SLCO3A1: variants seen among roughly 807,000 people sequenced by gnomAD.
SLCO3A1 encodes solute carrier organic anion transporter family member 3A1, also known as PGE1 transporter.
A neutral mutation model predicts 63.1 loss-of-function variants in SLCO3A1; 27 were observed. The ratio of observed to expected loss-of-function variants is 0.43; its 90% CI spans 0.32 to 0.59. The LOEUF is 0.59. Ranked by LOEUF, SLCO3A1 falls within the 20% of genes least tolerant of loss-of-function variation. The probability of loss-of-function intolerance (pLI) is 0.09; values close to 1 mark genes in which losing one functional copy is unlikely to be tolerated. For missense variants in SLCO3A1, 773 were observed against 945.8 expected, an observed-to-expected ratio of 0.82 and a Z score of 2.40; for synonymous variants, 473 against 409.9, an observed-to-expected ratio of 1.15 and a Z score of -1.86.
intron 2 of SLCO3A1, among the ~76,000 whole-genome samples, chr15:92,094,116 G>T (rs1027667205): frequency 3.3e-5 from 5 of 152,182 alleles, no homozygotes; most frequent in Non-Finnish European, 7.3e-5. Flanking sequence ...TTTGGGATCA[G>T]TACTTTTCCC....
At position 92,047,602 on chromosome 15, in the gene SLCO3A1, T is replaced by TATATATATAAATATATA. The variant is rs2046903227; in HGVS notation, c.647-47269_647-47268insATATATAATATATATAA. The stretch of plus-strand genomic sequence containing the variant: ...TATATAATATATATATAATATATAA[T>TATATATATAAATATATA]ATATATATAATATATAAATATATAT... On this transcript the variant is annotated intron_variant, in intron 2 of 9. Transcript: ENST00000318445. Among the ~76,000 whole-genome samples the TATATATATAAATATATA allele has an allele frequency of 5.4e-5, 2 of 37,090 alleles. 1 individual carries two copies. Among genetic ancestry groups the TATATATATAAATATATA allele is most frequent in the Non-Finnish European group, 1.2e-4 (2 of 17,356 alleles). 24.3% of individuals were successfully genotyped at this position (37,090 alleles called of 152,430 possible). A position where few individuals can be genotyped will look rare whatever the true frequency, so the allele number is the denominator to read the frequency against.
At chr15:92,047,506 T>TATAA (rs2046893886) in intron 2 of SLCO3A1, among the ~76,000 whole-genome samples, 2 of 30,236 alleles carry the variant, frequency 6.6e-5, no homozygotes, top group African/African-American at 2.4e-4. Flanking sequence ...TATATATAAA[T>TATAA]ATATATAAAT....
intron 9 of SLCO3A1, among the ~76,000 whole-genome samples, chr15:92,154,289 TGTG>T (rs2048344614): frequency 6.6e-6 from 1 of 152,214 alleles, no homozygotes; most frequent in Non-Finnish European, 1.5e-5. Flanking sequence ...TCTTGGGTAA[TGTG>T]GTGAACAGGG....
intron 7 of SLCO3A1, among the ~76,000 whole-genome samples, chr15:92,141,444 C>G (rs2048130637): frequency 6.6e-6 from 1 of 152,096 alleles, no homozygotes; most frequent in Non-Finnish European, 1.5e-5. Flanking sequence ...TTGGATTGGC[C>G]AAATAGAACT....
At chr15:92,127,327 A>G (rs1304646415) in intron 6 of SLCO3A1, among the ~76,000 whole-genome samples, 1 of 151,726 alleles carries the variant, frequency 6.6e-6, no homozygotes, top group Non-Finnish European at 1.5e-5. Flanking sequence ...TACTATAATG[A>G]CGTTATTCTT....
chr15:91,976,853 G>A (rs1901132755), intron 2 of SLCO3A1, among the ~76,000 whole-genome samples: 2 of 152,100 alleles, frequency 1.3e-5, no homozygotes, highest in Admixed American at 6.5e-5. Context: ...TACTTTACAA[G>A]GTAATAGAAT....
At chr15:92,081,825 A>G (rs915680124) in intron 2 of SLCO3A1, among the ~76,000 whole-genome samples, 1 of 152,182 alleles carries the variant, frequency 6.6e-6, no homozygotes, top group African/African-American at 2.4e-5. Context: ...CTTCATCACA[A>G]TCTCCAGGAG....
At chr15:92,092,937 T>C (rs2047494385) in intron 2 of SLCO3A1, among the ~76,000 whole-genome samples, 1 of 152,122 alleles carries the variant, frequency 6.6e-6, no homozygotes, top group Admixed American at 6.5e-5. Flanking sequence ...GGCCATGGAG[T>C]GACTATTTGG....
rs1209714903 is a variant in SLCO3A1, at chr15:91,897,781, G to T, written c.181-18212G>T. 6.6e-6 allele frequency among the ~76,000 whole-genome samples: 1 copy of T among 152,160 alleles called. No individual in the cohort carries two copies. Among genetic ancestry groups the T allele is most frequent in the African/African-American group, 2.4e-5 (1 of 41,436 alleles). On this transcript the variant is annotated intron_variant, in intron 1 of 9. Coordinates refer to ENST00000318445, the MANE Select transcript of SLCO3A1 (RefSeq NM_013272.4). The surrounding 1 kb of genome is among the most constrained non-coding windows in gnomAD (Gnocchi z 4.7). The stretch of plus-strand genomic sequence containing the variant: ...CAGCAGTGTGTTAAGGGCAGTGTTG[G>T]AACAGACTGTTCTCTCTATTTTCTG...
At chr15:92,162,527 G>A in intron 9 of SLCO3A1, 1 of 579,958 alleles carries the variant, frequency 1.7e-6, no homozygotes, top group South Asian at 2.6e-5. Flanking sequence ...CCATTTTGCA[G>A]ATGAGGAAAC....
At position 91,970,603 on chromosome 15, in the gene SLCO3A1, G is replaced by A. The variant is rs143276926; in HGVS notation, c.646+54145G>A. On this transcript the variant is annotated intron_variant, in intron 2 of 9. Transcript: ENST00000318445. The stretch of plus-strand genomic sequence containing the variant: ...TCCAGCTCCCAGGGACTCACAAGGA[G>A]CCCTAATGAAACAACATGGTTCTTT... Among the ~76,000 whole-genome samples the A allele has an allele frequency of 6.0e-3, 909 of 152,278 alleles. 11 individuals are homozygous for A. The highest frequency in any genetic ancestry group is 0.017 in the Middle Eastern group (5 of 294).
At position 92,143,467 on chromosome 15, in the gene SLCO3A1, T is replaced by TA. The variant is rs764236651; in HGVS notation, c.1513-3514dup. ...ATATATATAATATATATAATATATA[T>TA]AAATATATATATATATTATATATAT... is the stretch of plus-strand genomic sequence containing the variant. On this transcript the variant is annotated intron_variant, in intron 7 of 9. Coordinates refer to ENST00000318445, the MANE Select transcript of SLCO3A1 (RefSeq NM_013272.4). Among the ~76,000 whole-genome samples, 2 of 16,776 alleles carry TA rather than the reference T, an allele frequency of 1.2e-4. 1 individual carries two copies. The highest frequency in any genetic ancestry group is 1.9e-4 in the Non-Finnish European group (2 of 10,538). The allele number at this position is 16,776 out of a possible 152,430, so 11.0% of individuals were successfully genotyped here.
At chr15:92,117,343 C>T (rs188027342) in intron 4 of SLCO3A1, among the ~76,000 whole-genome samples, 1 of 152,248 alleles carries the variant, frequency 6.6e-6, no homozygotes, top group East Asian at 1.9e-4. Flanking sequence ...TACTTGTGAC[C>T]AAGCGTGGCT....
intron 3 of SLCO3A1, among the ~76,000 whole-genome samples, chr15:92,100,596 C>G (rs929624596): frequency 3.3e-5 from 5 of 152,260 alleles, no homozygotes; most frequent in African/African-American, 1.2e-4. Context: ...CTAACTAGAA[C>G]CAAATAGAGA....
chr15:91,913,571 A>C (rs952928600), intron 1 of SLCO3A1, among the ~76,000 whole-genome samples: 1 of 148,964 alleles, frequency 6.7e-6, no homozygotes, highest in African/African-American at 2.5e-5. Flanking sequence ...AATGAGGCTA[A>C]GAGGAATCAC....
chr15:92,023,502 T>G (rs931786446), intron 2 of SLCO3A1, among the ~76,000 whole-genome samples: 10 of 152,040 alleles, frequency 6.6e-5, no homozygotes, highest in Non-Finnish European at 4.4e-5. Flanking sequence ...GTGTCACTCA[T>G]TCTGTCACCA....
chr15:92,104,432 A>G lies in SLCO3A1; in HGVS notation c.899A>G (p.Glu300Gly), dbSNP rs1376277663. 2 of 1,614,012 alleles carry G rather than the reference A, an allele frequency of 1.2e-6. No homozygotes were observed. Among genetic ancestry groups the G allele is most frequent in the African/African-American group, 2.7e-5 (2 of 74,904 alleles). ...PPHSEPAMES[E>G]QAMLSEREYE... Reference sequence around the variant, plus strand: ...CACTCAGAGCCCGCCATGGAAAGCGAGCAGGCCATGCTCTCCGAAAGAGAA... The same window carrying G: ...CACTCAGAGCCCGCCATGGAAAGCGGGCAGGCCATGCTCTCCGAAAGAGAA... Residue 300 changes from glutamate to glycine, a missense_variant, in exon 4 of 10, where the codon GAG becomes GGG. Physicochemically the swap from Glu to Gly is moderately conservative, Grantham distance 98 (BLOSUM62 -2). Around this residue, in one of 3 missense-constraint regions of SLCO3A1, gnomAD observed 565 missense variants for 749.8 expected, o/e 0.75. Coordinates refer to ENST00000318445, the MANE Select transcript of SLCO3A1 (RefSeq NM_013272.4).
chr15:92,126,140 G>A lies in SLCO3A1; in HGVS notation c.1254G>A (p.Leu418=). The change falls in exon 6 of 10, where the codon CTG becomes CTA. Residue 418 remains leucine, a synonymous_variant. Transcript: ENST00000318445. ...TGAAGAAGCTCAGCCTGTCTGCCCT[G>A]GGGGCCATTCGGATGGCCATGCTCG... ...LLVKKLSLSA[L]GAIRMAMLVN... is the part of the protein sequence containing the mutation. 2 of 1,613,932 alleles carry A rather than the reference G, an allele frequency of 1.2e-6. No individual in the cohort carries two copies. Among genetic ancestry groups the A allele is most frequent in the East Asian group, 4.5e-5 (2 of 44,832 alleles).
intron 2 of SLCO3A1, among the ~76,000 whole-genome samples, chr15:91,966,338 C>G (rs1412265028): frequency 1.3e-5 from 2 of 152,146 alleles, no homozygotes; most frequent in African/African-American, 4.8e-5. Flanking sequence ...AGGTTTGTAG[C>G]CAGGGGAGTG....
Sources: gnomAD v4.1 joint callset for allele counts (sites outside exome capture counted in the v4.1 genomes callset) on GRCh38, gnomAD v4.1.1 for gene constraint, gnomAD v4.1.1 regional missense constraint, Gnocchi (gnomAD v3.1) non-coding constraint, MANE v1.5 for transcripts, NCBI Gene and HGNC (gene_info 2026-07-23, HGNC 2026-07-21) for gene names.